PTPRM: variants seen among roughly 807,000 people sequenced by gnomAD.
The protein encoded by PTPRM is receptor-type tyrosine-protein phosphatase mu.
In PTPRM, 47 loss-of-function variants were observed where a neutral mutation model predicts 186.7. That is an observed-to-expected ratio of 0.25 (90% CI 0.20 to 0.32). The LOEUF is 0.32. Ranked by LOEUF, PTPRM falls within the 10% of genes least tolerant of loss-of-function variation. PTPRM has a pLI of 1.00. For synonymous variants in PTPRM, 668 were observed against 674.9 expected (o/e 0.99, Z 0.16); for missense variants, 1,494 against 1,865.0 (o/e 0.80, Z 3.66).
In PTPRM at chr18:7,602,495, A is replaced by C. The variant is rs969557812; in HGVS notation, c.73+34604A>C. On this transcript the variant is annotated intron_variant, in intron 1 of 32. Coordinates refer to ENST00000580170, the MANE Select transcript of PTPRM (RefSeq NM_001105244.2). ...CATGCTGGAGTGCAGTGGTGTCTTC[A>C]TAGCTCACTGTAACTTTGAACTCCT... Among the ~76,000 whole-genome samples the C allele has an allele frequency of 2.0e-5, 3 of 149,208 alleles. No homozygotes were observed. The Admixed American group carries it at 2.0e-4, about 10-fold the overall frequency.
At chr18:8,215,550 T>C (rs2889715) in intron 14 of PTPRM, among the ~76,000 whole-genome samples, 5,676 of 86,806 alleles carry the variant, frequency 0.065, 205 homozygotes, top group African/African-American at 0.19. Flanking sequence ...CTTTTCTTTT[T>C]TTTTTTTTTT....
At chr18:8,372,524 T>A (rs1240401671) in intron 24 of PTPRM, among the ~76,000 whole-genome samples, 4 of 152,232 alleles carry the variant, frequency 2.6e-5, no homozygotes, top group South Asian at 4.1e-4. Context: ...AAATTTGTCA[T>A]AGAATCACAA....
chr18:8,071,723 C>A (rs931119717), intron 8 of PTPRM, among the ~76,000 whole-genome samples: 1 of 152,158 alleles, frequency 6.6e-6, no homozygotes, highest in Non-Finnish European at 1.5e-5. Flanking sequence ...CCAGTCGGGG[C>A]CTCTCCTGGC....
intron 1 of PTPRM, among the ~76,000 whole-genome samples, chr18:7,669,869 C>T (rs1330338628): frequency 1.3e-5 from 2 of 152,078 alleles, no homozygotes; most frequent in Admixed American, 6.5e-5. Flanking sequence ...ATTACAAGCA[C>T]CTGCCACCAA....
At chr18:8,055,686 T>C (rs978855605) in intron 7 of PTPRM, among the ~76,000 whole-genome samples, 5 of 152,226 alleles carry the variant, frequency 3.3e-5, no homozygotes, top group African/African-American at 1.2e-4. Flanking sequence ...TTTTTGTTAA[T>C]CTTTACTAGT....
chr18:7,567,864 C>T lies in PTPRM; in HGVS notation c.46C>T (p.Leu16=). 1 of 1,562,614 alleles carries T rather than the reference C, an allele frequency of 6.4e-7. No individual in the cohort carries two copies. The change falls in exon 1 of 33, where the codon CTA becomes TTA. Residue 16 remains leucine, a synonymous_variant. Transcript: ENST00000580170. The surrounding 1 kb of genome is among the most constrained non-coding windows in gnomAD (Gnocchi z 4.3). ...TCLATLAGLL[L]TAAGETFSGG... ...CCTGGCGACTTTGGCCGGACTTTTG[C>T]TAACTGCGGCGGGCGAGACGTTCTC...
chr18:8,248,461 A>C, intron 17 of PTPRM: 1 of 490,424 alleles, frequency 2.0e-6, no homozygotes, highest in Admixed American at 3.3e-5. Flanking sequence ...TCAGAATTTA[A>C]AGTTAGGTCT....
At chr18:7,871,742 A>C (rs976189162) in intron 2 of PTPRM, among the ~76,000 whole-genome samples, 2 of 152,220 alleles carry the variant, frequency 1.3e-5, no homozygotes, top group Admixed American at 1.3e-4. Flanking sequence ...GTGTGCCCTC[A>C]GTGAATGTTG....
chr18:8,197,164 T>C (rs2093790160), intron 14 of PTPRM, among the ~76,000 whole-genome samples: 1 of 152,218 alleles, frequency 6.6e-6, no homozygotes, highest in African/African-American at 2.4e-5. Context: ...AATAACATTA[T>C]AGTCATGGTC....
At chr18:7,832,433 A>T (rs1291190100) in intron 2 of PTPRM, among the ~76,000 whole-genome samples, 1 of 151,420 alleles carries the variant, frequency 6.6e-6, no homozygotes, top group East Asian at 2.0e-4. Context: ...TTCTTTTGAG[A>T]CGTGTCTATT....
chr18:7,985,311 A>G (rs187537731), intron 7 of PTPRM, among the ~76,000 whole-genome samples: 3,869 of 108,064 alleles, frequency 0.036, 549 homozygotes, highest in Non-Finnish European at 0.053. Flanking sequence ...AATAGTATAT[A>G]CACATAAATA....
intron 14 of PTPRM, among the ~76,000 whole-genome samples, chr18:8,180,219 G>A (rs1425597565): frequency 6.6e-6 from 1 of 152,200 alleles, no homozygotes; most frequent in East Asian, 1.9e-4. Flanking sequence ...GAATGTATCA[G>A]AGTCATGTGG....
intron 2 of PTPRM, among the ~76,000 whole-genome samples, chr18:7,861,708 G>A (rs1179662526): frequency 6.6e-6 from 1 of 152,002 alleles, no homozygotes; most frequent in African/African-American, 2.4e-5. Context: ...AAAATCTTGT[G>A]CACCTTTCTT....
At chr18:8,151,660 C>G (rs2093009414) in intron 14 of PTPRM, among the ~76,000 whole-genome samples, 1 of 147,362 alleles carries the variant, frequency 6.8e-6, no homozygotes, top group African/African-American at 2.5e-5. Context: ...ATGATTCTGT[C>G]TCACTTGCGT....
chr18:7,698,674 C>T (rs796450580), intron 1 of PTPRM, among the ~76,000 whole-genome samples: 2 of 152,270 alleles, frequency 1.3e-5, no homozygotes, highest in African/African-American at 4.8e-5. Context: ...TTCAGTAACA[C>T]AAGCAGTTTT....
intron 7 of PTPRM, among the ~76,000 whole-genome samples, chr18:8,047,213 C>T (rs2148225093): frequency 6.6e-6 from 1 of 152,110 alleles, no homozygotes; most frequent in African/African-American, 2.4e-5. Context: ...CAAATGAATG[C>T]TTTACCTTAT....
At chr18:8,218,000 C>T (rs1432956575) in intron 14 of PTPRM, among the ~76,000 whole-genome samples, 3 of 152,086 alleles carry the variant, frequency 2.0e-5, no homozygotes, top group East Asian at 1.9e-4. Flanking sequence ...TGTTACCCTT[C>T]GGTTCAGTTC....
intron 1 of PTPRM, among the ~76,000 whole-genome samples, chr18:7,728,389 A>G (rs1228214878): frequency 6.6e-6 from 1 of 152,202 alleles, no homozygotes; most frequent in Non-Finnish European, 1.5e-5. Context: ...GGGTCCTGCA[A>G]GAAGGTTTCC....
At chr18:8,354,225 A>AAAGT (rs397744165) in intron 23 of PTPRM, among the ~76,000 whole-genome samples, 1 of 150,754 alleles carries the variant, frequency 6.6e-6, no homozygotes, top group African/African-American at 2.4e-5. Flanking sequence ...AAAAAAAAAA[A>AAAGT]GTATAATGCA....
Sources: allele counts gnomAD v4.1 joint callset (sites outside exome capture counted in the v4.1 genomes callset), GRCh38; gene constraint gnomAD v4.1.1; non-coding constraint Gnocchi (gnomAD v3.1); transcripts MANE v1.5; gene names NCBI Gene and HGNC (gene_info 2026-07-23, HGNC 2026-07-21).